ATRN: variants seen among roughly 807,000 people sequenced by gnomAD.
ATRN encodes attractin-2.
Under a neutral mutation model 178.7 loss-of-function variants are expected in ATRN, and 54 were observed. The ratio of observed to expected loss-of-function variants is 0.30; its 90% CI spans 0.24 to 0.38. ATRN has a LOEUF of 0.38. ATRN is among the 10% of genes least tolerant of loss of function. The probability of loss-of-function intolerance (pLI) is 1.00; values close to 1 mark genes in which losing one functional copy is unlikely to be tolerated. For synonymous variants in ATRN, 636 were observed against 663.0 expected (o/e 0.96, Z 0.63); for missense variants, 1,443 against 1,815.1 (o/e 0.79, Z 3.73).
chr20:3,582,223 G>C lies in ATRN; in HGVS notation c.2633G>C (p.Ser878Thr). Reference protein sequence around the residue: ...CWEDMSPFTNSLLQWMPSEPS... With the variant: ...CWEDMSPFTNTLLQWMPSEPS... The stretch of plus-strand genomic sequence containing the variant: ...GAAGATATGTCCCCATTTACAAATA[G>C]TTTACTACAGTGGATGCCGTCTGAG... The change falls in exon 16 of 29, where the codon AGT becomes ACT. Residue 878 changes from serine to threonine, a missense_variant. Transcript: ENST00000262919. 2 of 1,614,090 alleles carry C rather than the reference G, an allele frequency of 1.2e-6. No individual in the cohort carries two copies. The highest frequency in any genetic ancestry group is 1.7e-6 in the Non-Finnish European group (2 of 1,180,038).
rs1254236421 is a variant in ATRN, at chr20:3,560,656, T to G, written c.1204-6T>G. On this transcript the variant is annotated splice_polypyrimidine_tract_variant and splice_region_variant and intron_variant, in intron 7 of 28. Coordinates refer to ENST00000262919, the MANE Select transcript of ATRN (RefSeq NM_139321.3). ...TTTAAAAATTTTGTTTGCATTTTTT[T>G]CCTAGGATAAAATTTACATGTATGG... The G allele has an allele frequency of 1.2e-6, 2 of 1,600,232 alleles. No homozygotes were observed. Among genetic ancestry groups the G allele is most frequent in the Non-Finnish European group, 1.7e-6 (2 of 1,169,282 alleles).
At chr20:3,520,680 A>G (rs1004341352) in intron 1 of ATRN, among the ~76,000 whole-genome samples, 1 of 152,020 alleles carries the variant, frequency 6.6e-6, no homozygotes, top group Non-Finnish European at 1.5e-5. Context: ...TAGTTTTAGT[A>G]GAGATGGAGT....
At chr20:3,551,964 G>A (rs554632299) in intron 6 of ATRN, among the ~76,000 whole-genome samples, 1 of 152,264 alleles carries the variant, frequency 6.6e-6, no homozygotes, top group East Asian at 1.9e-4. Context: ...CCTGAAATAT[G>A]GCTAGTGTGA....
At chr20:3,580,687 G>A (rs1174827161) in intron 15 of ATRN, among the ~76,000 whole-genome samples, 1 of 152,150 alleles carries the variant, frequency 6.6e-6, no homozygotes, top group Non-Finnish European at 1.5e-5. Context: ...GATTAAGGGA[G>A]TGGCTCTTTG....
Position 3,644,288 on chromosome 20 carries a change from C to T in ATRN, c.4165+20C>T, listed in dbSNP as rs375734861. ...AGTCAGGTGAGTAGATGCGGTCCAGCGAAAGACACCTTCTAAGCATGTGAG... is the reference window on the plus strand; with the variant it reads ...AGTCAGGTGAGTAGATGCGGTCCAGTGAAAGACACCTTCTAAGCATGTGAG... On this transcript the variant is annotated intron_variant, in intron 28 of 28. Transcript: ENST00000262919. 22 of 1,557,060 alleles carry T rather than the reference C, an allele frequency of 1.4e-5. No homozygotes were observed. Among genetic ancestry groups the T allele is most frequent in the East Asian group, 2.2e-5 (1 of 44,666 alleles).
chr20:3,479,985 A>C (rs959690922), intron 1 of ATRN, among the ~76,000 whole-genome samples: 1 of 152,218 alleles, frequency 6.6e-6, no homozygotes, highest in Non-Finnish European at 1.5e-5. Context: ...ACAGGGACCC[A>C]GGGTTAGGAC....
intron 24 of ATRN, among the ~76,000 whole-genome samples, chr20:3,624,142 G>A (rs2086918109): frequency 6.6e-6 from 1 of 152,200 alleles, no homozygotes; most frequent in South Asian, 2.1e-4. Flanking sequence ...CCCACCTGGA[G>A]GCAGAGCCAT....
At chr20:3,619,115 C>T (rs1037951248) in intron 24 of ATRN, among the ~76,000 whole-genome samples, 1 of 152,196 alleles carries the variant, frequency 6.6e-6, no homozygotes, top group South Asian at 2.1e-4. Context: ...ACATACCTTG[C>T]GTTTTCTCGG....
chr20:3,482,413 A>G (rs147447393), intron 1 of ATRN, among the ~76,000 whole-genome samples: 1 of 152,290 alleles, frequency 6.6e-6, no homozygotes, highest in Non-Finnish European at 1.5e-5. Context: ...ATTATTTTTT[A>G]GAATTTTTTT....
At chr20:3,614,808 C>T (rs141456095) in intron 24 of ATRN, among the ~76,000 whole-genome samples, 14 of 152,178 alleles carry the variant, frequency 9.2e-5, no homozygotes, top group East Asian at 1.9e-4. Context: ...CCCCCTCTTC[C>T]GGCAACCCCC....
At chr20:3,611,639 T>C (rs1050167425) in intron 24 of ATRN, among the ~76,000 whole-genome samples, 1 of 152,116 alleles carries the variant, frequency 6.6e-6, no homozygotes, top group Non-Finnish European at 1.5e-5. Context: ...CTACTCAGGA[T>C]ACTGAGGCAG....
intron 1 of ATRN, among the ~76,000 whole-genome samples, chr20:3,505,645 G>A (rs1239088738): frequency 3.3e-5 from 5 of 152,154 alleles, no homozygotes; most frequent in African/African-American, 2.4e-5. Context: ...TAACTTGAAC[G>A]TAAATGGACT....
intron 6 of ATRN, among the ~76,000 whole-genome samples, chr20:3,559,121 G>A (rs975974234): frequency 1.3e-5 from 2 of 152,136 alleles, no homozygotes; most frequent in African/African-American, 4.8e-5. Flanking sequence ...GATTTAGACT[G>A]TGTATAGAAG....
intron 6 of ATRN, among the ~76,000 whole-genome samples, chr20:3,558,045 C>T (rs2085901704): frequency 6.6e-6 from 1 of 152,156 alleles, no homozygotes. Flanking sequence ...TAAAACACTG[C>T]TAACACAGTT....
intron 24 of ATRN, among the ~76,000 whole-genome samples, chr20:3,609,893 A>G (rs1010208365): frequency 2.0e-5 from 3 of 152,250 alleles, no homozygotes; most frequent in African/African-American, 7.2e-5. Context: ...AACATGAAAT[A>G]TCTAGAGTAG....
intron 2 of ATRN, among the ~76,000 whole-genome samples, chr20:3,537,673 C>A (rs570854124): frequency 6.6e-6 from 1 of 150,440 alleles, no homozygotes; most frequent in African/African-American, 2.4e-5. Context: ...CCCCCCACCC[C>A]ACGACAAACC....
intron 1 of ATRN, among the ~76,000 whole-genome samples, chr20:3,530,647 A>G (rs1326077726): frequency 1.3e-5 from 2 of 152,092 alleles, no homozygotes; most frequent in African/African-American, 4.8e-5. Flanking sequence ...GGAATTGAAT[A>G]GTGCATTTAA....
chr20:3,561,841 C>T (rs748146540), intron 8 of ATRN, among the ~76,000 whole-genome samples: 7 of 152,204 alleles, frequency 4.6e-5, no homozygotes, highest in Admixed American at 1.3e-4. Flanking sequence ...GATCCTCCCA[C>T]CTTAGCCTCC....
chr20:3,642,505 C>T (rs2146327411), intron 27 of ATRN, among the ~76,000 whole-genome samples: 1 of 152,360 alleles, frequency 6.6e-6, no homozygotes, highest in African/African-American at 2.4e-5. Flanking sequence ...CAAATCTTGA[C>T]TCCGTATTCA....
Sources: gnomAD v4.1 joint callset for allele counts (sites outside exome capture counted in the v4.1 genomes callset) on GRCh38, gnomAD v4.1.1 for gene constraint, MANE v1.5 for transcripts, NCBI Gene and HGNC (gene_info 2026-07-23, HGNC 2026-07-21) for gene names.